The following SYNPR variants were observed in gnomAD, a reference collection of about 807,000 sequenced individuals.
The protein encoded by SYNPR is synaptoporin.
Under a neutral mutation model 32.9 loss-of-function variants are expected in SYNPR, and 23 were observed. The observed-to-expected ratio is 0.70, with a 90% CI of 0.50 to 0.99. SYNPR has a LOEUF of 0.99. Ranked by LOEUF, SYNPR falls within the 50% of genes least tolerant of loss-of-function variation. SYNPR has a pLI of 0.00. For synonymous variants in SYNPR, 146 were observed against 135.9 expected (o/e 1.07, Z -0.52); for missense variants, 318 against 349.3 (o/e 0.91, Z 0.71).
At chr3:63,378,698 T>C (rs553403070) in intron 2 of SYNPR, among the ~76,000 whole-genome samples, 1 of 152,216 alleles carries the variant, frequency 6.6e-6, no homozygotes, top group Non-Finnish European at 1.5e-5. Flanking sequence ...CCTCTTGACG[T>C]CTGCAGGGTC....
intron 2 of SYNPR, among the ~76,000 whole-genome samples, chr3:63,256,451 G>T (rs1297242620): frequency 6.6e-6 from 1 of 152,174 alleles, no homozygotes; most frequent in East Asian, 1.9e-4. Flanking sequence ...TGATACCCAG[G>T]CAAACAGGGT....
chr3:63,609,036 G>A, intron 4 of SYNPR, 89 bp from the exon 5 acceptor site: 1 of 1,415,596 alleles, frequency 7.1e-7, no homozygotes, highest in Non-Finnish European at 9.4e-7. Flanking sequence ...TTTTCCAAAA[G>A]GCAAACCAAA....
intron 3 of SYNPR, among the ~76,000 whole-genome samples, chr3:63,542,391 C>T (rs965382623): frequency 1.3e-5 from 2 of 152,048 alleles, no homozygotes; most frequent in Admixed American, 6.6e-5. Context: ...AGATAAGTAA[C>T]ACTGCTCGCA....
chr3:63,339,418 C>A (rs1391846631), intron 2 of SYNPR, among the ~76,000 whole-genome samples: 1 of 152,024 alleles, frequency 6.6e-6, no homozygotes, highest in African/African-American at 2.4e-5. Context: ...CATTAAGATC[C>A]CATGTGCCTT....
chr3:63,266,250 AT>A (rs11457877), intron 2 of SYNPR, among the ~76,000 whole-genome samples: 12,724 of 150,058 alleles, frequency 0.085, 1,554 homozygotes, highest in African/African-American at 0.27. Context: ...TTCTTTTTCT[AT>A]TTTTTTTTTA....
chr3:63,254,143 G>A (rs2086362050), intron 2 of SYNPR, among the ~76,000 whole-genome samples: 1 of 152,068 alleles, frequency 6.6e-6, no homozygotes, highest in Non-Finnish European at 1.5e-5. Context: ...ACAGGAAGGG[G>A]AACATCACAC....
intron 4 of SYNPR, among the ~76,000 whole-genome samples, chr3:63,608,625 T>C (rs190105659): frequency 1.3e-5 from 2 of 152,182 alleles, no homozygotes; most frequent in Admixed American, 6.5e-5. Context: ...TGAGTGAACA[T>C]TGCCATCAAA....
intron 2 of SYNPR, among the ~76,000 whole-genome samples, chr3:63,410,580 C>T (rs1173273926): frequency 6.6e-6 from 1 of 152,134 alleles, no homozygotes; most frequent in African/African-American, 2.4e-5. Context: ...TGTTTTCCCT[C>T]ATGTTTGTGT....
chr3:63,318,746 T>C (rs184901671), intron 2 of SYNPR, among the ~76,000 whole-genome samples: 114 of 152,208 alleles, frequency 7.5e-4, no homozygotes, highest in African/African-American at 2.3e-3. Context: ...ACCTCTTGAA[T>C]TCTTTTTCAG....
At chr3:63,603,768 A>G (rs6790003) in intron 4 of SYNPR, among the ~76,000 whole-genome samples, 94,579 of 151,898 alleles carry the variant, frequency 0.62, 29,626 homozygotes, top group African/African-American at 0.68. Flanking sequence ...GAGGATTTTT[A>G]CATCTATGTT....
At chr3:63,613,719 G>C (rs865933875) in intron 5 of SYNPR, among the ~76,000 whole-genome samples, 2 of 146,072 alleles carry the variant, frequency 1.4e-5, no homozygotes, top group Middle Eastern at 3.8e-3. Context: ...ATTTGCTAAT[G>C]TGTCCAGCAC....
intron 3 of SYNPR, among the ~76,000 whole-genome samples, chr3:63,494,064 C>G (rs543594772): frequency 4.0e-5 from 6 of 151,388 alleles, no homozygotes; most frequent in Non-Finnish European, 8.8e-5. Context: ...TTGATTTCAG[C>G]AAACAATTAC....
At chr3:63,557,126 A>G (rs1702608738) in intron 4 of SYNPR, among the ~76,000 whole-genome samples, 1 of 152,054 alleles carries the variant, frequency 6.6e-6, no homozygotes, top group Non-Finnish European at 1.5e-5. Flanking sequence ...ATATCTATCT[A>G]TCTATGTCTT....
intron 2 of SYNPR, among the ~76,000 whole-genome samples, chr3:63,330,992 C>T (rs2087223384): frequency 6.6e-6 from 1 of 152,166 alleles, no homozygotes; most frequent in Non-Finnish European, 1.5e-5. Flanking sequence ...TCCTCTAGAC[C>T]TAGTTCACAC....
intron 2 of SYNPR, among the ~76,000 whole-genome samples, chr3:63,350,762 A>G (rs1286760416): frequency 6.6e-6 from 1 of 152,208 alleles, no homozygotes; most frequent in Non-Finnish European, 1.5e-5. Context: ...ATGTATGTGC[A>G]GGGGAGACAG....
the SYNPR span, among the ~76,000 whole-genome samples, chr3:63,207,087 T>C: frequency 6.6e-6 from 1 of 152,206 alleles, no homozygotes; most frequent in Non-Finnish European, 1.5e-5. Flanking sequence ...ATGTGCAGTA[T>C]TTTCTGGTAA....
chr3:63,585,330 G>A (rs1270857040), intron 4 of SYNPR, among the ~76,000 whole-genome samples: 5 of 151,958 alleles, frequency 3.3e-5, no homozygotes, highest in Non-Finnish European at 2.9e-5. Flanking sequence ...GGAAATATAT[G>A]ATCACTTTCT....
chr3:63,556,418 G>A, intron 3 of SYNPR, 125 bp from the exon 4 acceptor site: 1 of 711,246 alleles, frequency 1.4e-6, no homozygotes, highest in Non-Finnish European at 2.3e-6. Flanking sequence ...TAATGAATAT[G>A]TTACATAGGC....
At chr3:63,207,946 C>T in the SYNPR span, among the ~76,000 whole-genome samples, 7 of 152,044 alleles carry the variant, frequency 4.6e-5, no homozygotes, top group African/African-American at 1.7e-4. Flanking sequence ...TGGTATTCAT[C>T]CTCCTAGAAG....
Sources: allele counts gnomAD v4.1 joint callset (sites outside exome capture counted in the v4.1 genomes callset), GRCh38; gene constraint gnomAD v4.1.1; transcripts MANE v1.5; gene names NCBI Gene and HGNC (gene_info 2026-07-23, HGNC 2026-07-21).